The following LARS1 variants were observed in gnomAD, a reference collection of about 807,000 sequenced individuals.
LARS1 encodes the protein leucyl-tRNA synthetase 1, also known as leucine--tRNA ligase, cytoplasmic.
In LARS1, 100 loss-of-function variants were observed where a neutral mutation model predicts 162.8. The observed-to-expected ratio is 0.61, with a 90% CI of 0.52 to 0.73. The LOEUF (loss-of-function observed/expected upper bound fraction) is 0.73, where lower values mean the gene tolerates loss of function less well. LARS1 is among the 30% of genes least tolerant of loss of function. The probability of loss-of-function intolerance (pLI) is 0.00; values close to 1 mark genes in which losing one functional copy is unlikely to be tolerated. For missense variants in LARS1, 1,258 were observed against 1,408.9 expected (o/e 0.89, Z 1.71); for synonymous variants, 457 against 462.8 (o/e 0.99, Z 0.16).
chr5:146,119,170 C>A (rs569139466), intron 31 of LARS1, among the ~76,000 whole-genome samples: 2 of 152,308 alleles, frequency 1.3e-5, no homozygotes, highest in East Asian at 3.9e-4. Flanking sequence ...TTATCATACA[C>A]TGCAATAGCT....
In LARS1 at chr5:146,157,454, G is replaced by A. The variant is rs765075284; in HGVS notation, c.1014C>T (p.Gly338=). ...GCACCACGCCATTGTCTTTGGTAAA[G>A]CCCTGGTATGACATATTCCTGGCTG... ...QKAARNMSYQ[G]FTKDNGVVPV... is the part of the protein sequence containing the mutation. The change falls in exon 10 of 32, where the codon GGC becomes GGT. Residue 338 remains glycine (G), a synonymous_variant. Transcript: ENST00000394434. 2 of 1,613,914 alleles carry A rather than the reference G, an allele frequency of 1.2e-6. No individual in the cohort carries two copies. The highest frequency in any genetic ancestry group is 1.1e-5 in the South Asian group (1 of 91,070).
At chr5:146,132,823 A>T in intron 23 of LARS1, 75 bp downstream of exon 23, 3 of 1,134,136 alleles carry the variant, frequency 2.6e-6, no homozygotes, top group Non-Finnish European at 3.8e-6. Context: ...AAAAGAAAAG[A>T]AAAGAAAAAG....
At chr5:146,175,813 G>C (rs541354825) in intron 2 of LARS1, among the ~76,000 whole-genome samples, 3 of 150,700 alleles carry the variant, frequency 2.0e-5, no homozygotes, top group Non-Finnish European at 4.4e-5. Flanking sequence ...GGGTGACAGA[G>C]CAAGACTCCG....
intron 23 of LARS1, 57 bp from the exon 24 acceptor site, chr5:146,131,166 T>A (rs1752263387): frequency 2.7e-6 from 2 of 744,186 alleles, no homozygotes; most frequent in African/African-American, 1.8e-5. Flanking sequence ...TACATAGCTA[T>A]AAAAAACTGC....
chr5:146,157,996 G>A (rs932216201), intron 8 of LARS1, among the ~76,000 whole-genome samples: 9 of 152,002 alleles, frequency 5.9e-5, no homozygotes, highest in Middle Eastern at 3.2e-3. Context: ...TGGAGTAATC[G>A]CCCAAAATAG....
At chr5:146,148,650 AAAC>A (rs1188145854) in intron 15 of LARS1, among the ~76,000 whole-genome samples, 1 of 152,178 alleles carries the variant, frequency 6.6e-6, no homozygotes, top group African/African-American at 2.4e-5. Flanking sequence ...ACGTTAGAGA[AAAC>A]AAAAAGTAGG....
chr5:146,166,829 T>G (rs1754028657), intron 5 of LARS1, among the ~76,000 whole-genome samples: 1 of 145,962 alleles, frequency 6.9e-6, no homozygotes, highest in African/African-American at 2.5e-5. Flanking sequence ...TCAAAAGATC[T>G]CTCCCAAAAT....
At chr5:146,154,004 A>G in intron 10 of LARS1, 24 bp from the exon 11 acceptor site, 1 of 1,507,548 alleles carries the variant, frequency 6.6e-7, no homozygotes, top group South Asian at 1.2e-5. Flanking sequence ...AAATCAATAT[A>G]AAAGGTGAAG....
At chr5:146,144,752 T>G (rs1235664500) in intron 15 of LARS1, 43 bp from the exon 16 acceptor site, 9 of 1,493,218 alleles carry the variant, frequency 6.0e-6, no homozygotes, top group Non-Finnish European at 8.4e-6. Flanking sequence ...CTATGTCAAA[T>G]CAATCTTCAT....
In LARS1 at chr5:146,130,005, T is replaced by C. The variant is rs922375564; in HGVS notation, c.2628+13A>G. The C allele has an allele frequency of 1.9e-6, 3 of 1,593,062 alleles. No homozygotes were observed. In the African/African-American group the frequency reaches 4.1e-5, roughly 22 times the overall value. ...TCAAAACCACTCGAAACATTTTAAATGCATGAAGGTACCTTTCCCAGGAGT... is the reference window on the plus strand; with the variant it reads ...TCAAAACCACTCGAAACATTTTAAACGCATGAAGGTACCTTTCCCAGGAGT... On this transcript the variant is annotated intron_variant, in intron 25 of 31. Transcript: ENST00000394434.
intron 1 of LARS1, among the ~76,000 whole-genome samples, chr5:146,180,075 G>A (rs1008136478): frequency 1.3e-5 from 2 of 152,194 alleles, no homozygotes; most frequent in Non-Finnish European, 1.5e-5. Flanking sequence ...AGACACAGAA[G>A]TTATGTAACA....
intron 14 of LARS1, among the ~76,000 whole-genome samples, chr5:146,150,626 C>CAAAAAAAA (rs71581862): frequency 0.021 from 1,460 of 68,390 alleles, 54 homozygotes; most frequent in Non-Finnish European, 0.033. Flanking sequence ...GACTCCGTCT[C>CAAAAAAAA]AAAAAAAAAA....
At chr5:146,124,811 G>A (rs1370081603) in intron 28 of LARS1, among the ~76,000 whole-genome samples, 1 of 151,718 alleles carries the variant, frequency 6.6e-6, no homozygotes, top group Non-Finnish European at 1.5e-5. Flanking sequence ...TTTTCTCATG[G>A]AAGTGCTAGA....
At chr5:146,144,844 C>A in intron 15 of LARS1, 135 bp from the exon 16 acceptor site, 1 of 703,388 alleles carries the variant, frequency 1.4e-6, no homozygotes, top group Non-Finnish European at 2.4e-6. Context: ...TCTTGCCCGC[C>A]TTCCCAGGGT....
intron 15 of LARS1, among the ~76,000 whole-genome samples, chr5:146,145,910 AAAGC>A (rs1752985837): frequency 6.6e-6 from 1 of 152,264 alleles, no homozygotes; most frequent in African/African-American, 2.4e-5. Flanking sequence ...TGAAAACAAA[AAAGC>A]AATATGAATG....
chr5:146,168,382 C>G (rs918802414), intron 4 of LARS1, 117 bp from the exon 5 acceptor site: 2 of 1,042,208 alleles, frequency 1.9e-6, no homozygotes, highest in Non-Finnish European at 2.7e-6. Flanking sequence ...TATATTGATA[C>G]CTATGTGGCT....
At chr5:146,157,365 T>C (rs758396077) in intron 10 of LARS1, 38 bp downstream of exon 10, 2 of 1,551,278 alleles carry the variant, frequency 1.3e-6, no homozygotes, top group East Asian at 4.5e-5. Flanking sequence ...TTCCTTGAAA[T>C]TTACGCATTA....
rs140856962 is a variant in LARS1 at position 146,136,248 on chromosome 5, T to G, written c.2149-584A>C. Among the ~76,000 whole-genome samples the G allele has an allele frequency of 2.4e-3, 368 of 152,366 alleles. 2 individuals are homozygous for G. Among genetic ancestry groups the G allele is most frequent in the African/African-American group, 8.3e-3 (347 of 41,580 alleles). On this transcript the variant is annotated intron_variant, in intron 21 of 31. Coordinates refer to ENST00000394434, the MANE Select transcript of LARS1 (RefSeq NM_020117.11). ...AATGATGATTATATCAGTTTTCTAT[T>G]ATACTACATGGCAATACATATCTTG...
chr5:146,129,049 G>A lies in LARS1; in HGVS notation c.2698C>T (p.Gln900Ter), dbSNP rs1752164952. Residue 900 changes from glutamine (Q) to a stop codon, truncating the protein, a stop_gained, in exon 26 of 32, where the codon CAG becomes TAG. Coordinates refer to ENST00000394434, the MANE Select transcript of LARS1 (RefSeq NM_020117.11). LOFTEE classifies it high-confidence loss of function. The part of the protein sequence containing the change: ...PVNEVLIHSS[Q>*]YLMEVTHDLR... ...TCATGTGTTACTTCCATAAGATACT[G>A]TGAGGAGTGTATTAAAACTTCATTA... 2 of 1,610,472 alleles carry A rather than the reference G, an allele frequency of 1.2e-6. No homozygotes were observed. The highest frequency in any genetic ancestry group is 8.5e-7 in the Non-Finnish European group (1 of 1,177,180).
Sources: gnomAD v4.1 joint callset for allele counts (sites outside exome capture counted in the v4.1 genomes callset) on GRCh38, gnomAD v4.1.1 for gene constraint, MANE v1.5 for transcripts, NCBI Gene and HGNC (gene_info 2026-07-23, HGNC 2026-07-21) for gene names.